RFC1: variants seen among roughly 807,000 people sequenced by gnomAD.
The protein encoded by RFC1 is replication factor C subunit 1.
RFC1 carries 37 observed loss-of-function variants against 137.4 expected under a neutral mutation model. That is an observed-to-expected ratio of 0.27 (90% CI 0.21 to 0.35). The LOEUF (loss-of-function observed/expected upper bound fraction) is 0.35. RFC1 is among the 10% of genes least tolerant of loss of function. RFC1 has a pLI of 1.00. For missense variants in RFC1, 1,205 were observed against 1,358.5 expected (o/e 0.89, Z 1.78); for synonymous variants, 429 against 455.7 (o/e 0.94, Z 0.75).
chr4:39,357,914 T>C (rs143273847), intron 1 of RFC1, among the ~76,000 whole-genome samples: 2 of 152,114 alleles, frequency 1.3e-5, no homozygotes, highest in Non-Finnish European at 2.9e-5. Context: ...GCCCAGAAGC[T>C]AGCTTTTTAC....
At chr4:39,344,302 C>T (rs1187994666) in intron 3 of RFC1, among the ~76,000 whole-genome samples, 1 of 152,086 alleles carries the variant, frequency 6.6e-6, no homozygotes, top group African/African-American at 2.4e-5. Flanking sequence ...AAAGAAAAGC[C>T]TTTAAATTGT....
chr4:39,305,348 G>A (rs1738583141), intron 14 of RFC1, among the ~76,000 whole-genome samples: 1 of 152,132 alleles, frequency 6.6e-6, no homozygotes, highest in Admixed American at 6.5e-5. Context: ...ACTCACACCT[G>A]TAATACCAGC....
At chr4:39,364,345 G>C (rs113380429) in intron 1 of RFC1, among the ~76,000 whole-genome samples, 2,209 of 151,740 alleles carry the variant, frequency 0.015, 47 homozygotes, top group African/African-American at 0.051. Context: ...TTTTAGTCTA[G>C]GGTTTTGCTA....
intron 4 of RFC1, among the ~76,000 whole-genome samples, chr4:39,333,174 A>G (rs1206160550): frequency 1.3e-5 from 2 of 152,212 alleles, no homozygotes; most frequent in African/African-American, 4.8e-5. Flanking sequence ...ACGAACTCTT[A>G]AGATTTTCCC....
At chr4:39,322,504 T>A (rs1191212106) in intron 7 of RFC1, 1 of 152,242 alleles carries the variant, frequency 6.6e-6, no homozygotes, top group Non-Finnish European at 1.5e-5. Flanking sequence ...CTGACAAAAC[T>A]GTGCTTCCTG....
At chr4:39,355,693 C>A (rs1327929247) in intron 1 of RFC1, among the ~76,000 whole-genome samples, 2 of 152,174 alleles carry the variant, frequency 1.3e-5, no homozygotes, top group Non-Finnish European at 2.9e-5. Flanking sequence ...CACTATACTG[C>A]TGATAAAAGT....
chr4:39,304,976 C>T, intron 14 of RFC1, 48 bp from the exon 15 acceptor site: 1 of 1,084,498 alleles, frequency 9.2e-7, no homozygotes, highest in Non-Finnish European at 1.4e-6. Context: ...AAATTAACTC[C>T]ACCACCCCCG....
At chr4:39,341,491 T>G in intron 4 of RFC1, 1 of 405,728 alleles carries the variant, frequency 2.5e-6, no homozygotes, top group Non-Finnish European at 4.9e-6. Context: ...ACTTACTTTT[T>G]GTCTTTGATA....
At chr4:39,335,580 G>A (rs1421881307) in intron 4 of RFC1, among the ~76,000 whole-genome samples, 1 of 152,170 alleles carries the variant, frequency 6.6e-6, no homozygotes, top group Non-Finnish European at 1.5e-5. Flanking sequence ...GGCTTGAAAT[G>A]TGATGTTATC....
At chr4:39,319,669 C>T (rs936641417) in intron 9 of RFC1, among the ~76,000 whole-genome samples, 3 of 152,146 alleles carry the variant, frequency 2.0e-5, no homozygotes, top group Non-Finnish European at 4.4e-5. Flanking sequence ...AAAATATATA[C>T]AGCAGTCCCC....
Position 39,366,286 on chromosome 4 carries a change from G to A in RFC1, c.-45C>T. The stretch of plus-strand genomic sequence containing the variant: ...CGCTGGCTGGCTGGCGGGTGGGCCG[G>A]TTGAGGAATCTGTTATCGAGGCTCA... On this transcript the variant is annotated 5_prime_UTR_variant, in exon 1 of 25. Transcript: ENST00000349703. 4.0e-6 allele frequency: 6 copies of A among 1,516,270 alleles called. No individual in the cohort carries two copies. The highest frequency in any genetic ancestry group is 5.1e-5 in the East Asian group (2 of 39,446). The allele number at this position is 1,516,270 out of a possible 1,614,324, so 93.9% of individuals were successfully genotyped here.
chr4:39,302,700 G>A, intron 17 of RFC1, 37 bp downstream of exon 17: 1 of 1,543,980 alleles, frequency 6.5e-7, no homozygotes, highest in Non-Finnish European at 8.7e-7. Flanking sequence ...TAAATAAATA[G>A]GCTAGTGTGA....
chr4:39,317,481 G>A (rs34531758), intron 9 of RFC1, among the ~76,000 whole-genome samples: 3 of 152,196 alleles, frequency 2.0e-5, no homozygotes, highest in Admixed American at 6.5e-5. Flanking sequence ...GCATCCCTAA[G>A]GACATAAGCA....
rs1313341834 is a variant in RFC1 at position 39,308,672 on chromosome 4, T to A, written c.1849A>T (p.Asn617Tyr). The change falls in exon 13 of 25, where the codon AAC (asparagine) becomes TAC (tyrosine). Residue 617 changes from asparagine to tyrosine, a missense_variant. Asn to Tyr is a moderately radical substitution (Grantham distance 143). Coordinates refer to ENST00000349703, the MANE Select transcript of RFC1 (RefSeq NM_002913.5). ...TCTTCGGAAGAACTCTTTTGCCAGT[T>A]TCGGAGCCAGCGTAGGAGTTTGTTG... ...CANKLLRWLR[N>Y]WQKSSSEDKK... 2 of 1,612,532 alleles carry A rather than the reference T, an allele frequency of 1.2e-6. No homozygotes were observed. Among genetic ancestry groups the A allele is most frequent in the Admixed American group, 3.4e-5 (2 of 59,538 alleles).
chr4:39,351,277 AAAAAAAAAC>A lies in RFC1; in HGVS notation c.132+62_132+70del. The A allele has an allele frequency of 2.4e-3, 1,226 of 508,836 alleles. 1 individual carries two copies. Among genetic ancestry groups the A allele is most frequent in the Non-Finnish European group, 3.1e-3 (1,103 of 352,562 alleles). The allele number at this position is 508,836 out of a possible 1,614,324, so 31.5% of individuals were successfully genotyped here. On this transcript the variant is annotated intron_variant, in intron 2 of 24. Coordinates refer to ENST00000349703, the MANE Select transcript of RFC1 (RefSeq NM_002913.5). The stretch of plus-strand genomic sequence containing the variant: ...GGAAAAAAAAAAAAAAAAAAAAAAA[AAAAAAAAAC>A]TTATAAGAACTGAGTTTATTTTACA...
chr4:39,320,877 T>C (rs1027915020), intron 8 of RFC1, among the ~76,000 whole-genome samples: 1 of 152,212 alleles, frequency 6.6e-6, no homozygotes, highest in Non-Finnish European at 1.5e-5. Context: ...GATGATTTGC[T>C]ATCAGAACCA....
intron 8 of RFC1, 125 bp downstream of exon 8, chr4:39,321,162 T>C: frequency 5.4e-6 from 4 of 745,370 alleles, no homozygotes; most frequent in Non-Finnish European, 6.5e-6. Flanking sequence ...TATGCTCTAA[T>C]AGTCCTGTGA....
chr4:39,355,080 CA>C (rs535213645), intron 1 of RFC1, among the ~76,000 whole-genome samples: 1,398 of 87,098 alleles, frequency 0.016, 20 homozygotes, highest in African/African-American at 0.023. Flanking sequence ...ACACTCATCT[CA>C]AAAAAAAAAA....
intron 24 of RFC1, among the ~76,000 whole-genome samples, chr4:39,289,248 A>G (rs1284713659): frequency 6.6e-6 from 1 of 152,206 alleles, no homozygotes; most frequent in African/African-American, 2.4e-5. Context: ...AAAGCAGAAG[A>G]GAGGGAGAGA....
Sources: gnomAD v4.1 joint callset for allele counts (sites outside exome capture counted in the v4.1 genomes callset) on GRCh38, gnomAD v4.1.1 for gene constraint, MANE v1.5 for transcripts, NCBI Gene and HGNC (gene_info 2026-07-23, HGNC 2026-07-21) for gene names.